The following FSTL4 variants were observed in gnomAD, a reference collection of about 807,000 sequenced individuals.
FSTL4 encodes follistatin-related protein 4.
A neutral mutation model predicts 78.2 loss-of-function variants in FSTL4; 28 were observed. The ratio of observed to expected loss-of-function variants is 0.36; its 90% CI spans 0.27 to 0.49. The LOEUF (loss-of-function observed/expected upper bound fraction) is 0.49, where lower values mean the gene tolerates loss of function less well. FSTL4 is among the 20% of genes least tolerant of loss of function. The pLI, the probability that FSTL4 is intolerant of heterozygous loss-of-function variation, is 0.98. For synonymous variants in FSTL4, 422 were observed against 440.5 expected (o/e 0.96, Z 0.53); for missense variants, 922 against 1,084.9 (o/e 0.85, Z 2.11).
intron 3 of FSTL4, among the ~76,000 whole-genome samples, chr5:133,448,740 G>A (rs942942243): frequency 4.1e-4 from 10 of 24,660 alleles, no homozygotes; most frequent in African/African-American, 1.1e-3. Flanking sequence ...GTGCGGGGGC[G>A]GGGGGGGGGG....
At chr5:133,206,653 C>T (rs1004469382) in intron 14 of FSTL4, among the ~76,000 whole-genome samples, 5 of 152,142 alleles carry the variant, frequency 3.3e-5, no homozygotes, top group African/African-American at 1.2e-4. Context: ...TGAACCACTG[C>T]GCCTGGCCTA....
In FSTL4 at chr5:133,400,802, G is replaced by C; in HGVS notation, c.345C>G (p.His115Gln). ...GRFYENHCKL[H>Q]RAACLLGKRI... Reference sequence around the variant, plus strand: ...TCTTTCCCAGGAGGCAAGCAGCACGGTGGAGCTTACAGTGGTTTTCATAAA... The same window carrying C: ...TCTTTCCCAGGAGGCAAGCAGCACGCTGGAGCTTACAGTGGTTTTCATAAA... The change falls in exon 4 of 16, where the codon CAC becomes CAG. Residue 115 changes from histidine (H) to glutamine (Q), a missense_variant. His to Gln is a conservative substitution (Grantham distance 24). Coordinates refer to ENST00000265342, the MANE Select transcript of FSTL4 (RefSeq NM_015082.2). 1 of 1,614,012 alleles carries C rather than the reference G, an allele frequency of 6.2e-7. No individual in the cohort carries two copies. Among genetic ancestry groups the C allele is most frequent in the Non-Finnish European group, 8.5e-7 (1 of 1,179,944 alleles).
chr5:133,374,843 C>T (rs566473976), intron 4 of FSTL4, among the ~76,000 whole-genome samples: 1 of 152,192 alleles, frequency 6.6e-6, no homozygotes, highest in South Asian at 2.1e-4. Flanking sequence ...ACTTCCCAGC[C>T]CCCAGAACTG....
At chr5:133,513,069 C>T (rs1758769083) in intron 3 of FSTL4, among the ~76,000 whole-genome samples, 1 of 152,168 alleles carries the variant, frequency 6.6e-6, no homozygotes, top group African/African-American at 2.4e-5. Context: ...GATCAGCCCG[C>T]CTCAGCCTCC....
the FSTL4 span, among the ~76,000 whole-genome samples, chr5:133,727,201 C>T: frequency 2.0e-5 from 3 of 152,292 alleles, no homozygotes; most frequent in East Asian, 5.8e-4. Context: ...CTCCAGCAGG[C>T]AGCAAACTTT....
At chr5:133,316,145 A>T (rs558296786) in intron 5 of FSTL4, among the ~76,000 whole-genome samples, 10 of 152,328 alleles carry the variant, frequency 6.6e-5, no homozygotes, top group African/African-American at 2.4e-4. Context: ...GTTCAATGGA[A>T]ACCAAGCACT....
At chr5:133,441,373 C>T (rs910386170) in intron 3 of FSTL4, among the ~76,000 whole-genome samples, 2 of 152,094 alleles carry the variant, frequency 1.3e-5, no homozygotes, top group Non-Finnish European at 2.9e-5. Flanking sequence ...GGTAGCACCC[C>T]GAGGGGAGAC....
the FSTL4 span, among the ~76,000 whole-genome samples, chr5:133,627,320 A>T: frequency 6.6e-6 from 1 of 152,138 alleles, no homozygotes; most frequent in East Asian, 1.9e-4. Flanking sequence ...AGAGCAAAGG[A>T]TGTCTTACAT....
rs551697020 is a variant in FSTL4, at chr5:133,358,653, G to A, written c.410-42001C>T. ...CTCTGTCGCCCAGGCTGGATGGAGT[G>A]CAGTGGCGCGATCTCAGTTCACTGC... On this transcript the variant is annotated intron_variant, in intron 4 of 15. Coordinates refer to ENST00000265342, the MANE Select transcript of FSTL4 (RefSeq NM_015082.2). Among the ~76,000 whole-genome samples, 82 of 145,384 alleles carry A rather than the reference G, an allele frequency of 5.6e-4. No individual in the cohort carries two copies. In the South Asian group the frequency reaches 0.017, roughly 30 times the overall value.
rs10067532 is a variant in FSTL4 at position 133,276,292 on chromosome 5, C to T, written c.728-26716G>A. ...TTGCTTGGGGCCTGTGATGCTGGACCCCAGTGGAGAGGGAGGGCACGCGTA... is the reference window on the plus strand; with the variant it reads ...TTGCTTGGGGCCTGTGATGCTGGACTCCAGTGGAGAGGGAGGGCACGCGTA... On this transcript the variant is annotated intron_variant, in intron 6 of 15. Transcript: ENST00000265342. 4.5e-3 allele frequency among the ~76,000 whole-genome samples: 684 copies of T among 152,282 alleles called. 3 individuals carry two copies. The highest frequency in any genetic ancestry group is 0.016 in the African/African-American group (659 of 41,552).
intron 6 of FSTL4, among the ~76,000 whole-genome samples, chr5:133,269,655 G>A (rs1752726051): frequency 6.6e-6 from 1 of 152,210 alleles, no homozygotes; most frequent in South Asian, 2.1e-4. Context: ...GCCCTCACTA[G>A]AGATGGTCCT....
chr5:133,374,512 A>G (rs1335475459), intron 4 of FSTL4, among the ~76,000 whole-genome samples: 1 of 152,082 alleles, frequency 6.6e-6, no homozygotes, highest in African/African-American at 2.4e-5. Flanking sequence ...TGAACTTTCC[A>G]ATCATATTCT....
chr5:133,750,669 C>A, the FSTL4 span, among the ~76,000 whole-genome samples: 1 of 152,196 alleles, frequency 6.6e-6, no homozygotes, highest in African/African-American at 2.4e-5. Flanking sequence ...CAGCCACCTC[C>A]CTGTCCCGGC....
chr5:133,825,176 A>T, the FSTL4 span, among the ~76,000 whole-genome samples: 1 of 152,146 alleles, frequency 6.6e-6, no homozygotes, highest in Non-Finnish European at 1.5e-5. Flanking sequence ...ACCAGGCCTC[A>T]GGTCTCCCTA....
intron 3 of FSTL4, among the ~76,000 whole-genome samples, chr5:133,562,863 G>T (rs1334175172): frequency 2.6e-5 from 4 of 152,214 alleles, no homozygotes; most frequent in Admixed American, 2.6e-4. Context: ...AACATGATGG[G>T]AACAGTCAGA....
chr5:133,652,270 T>C, the FSTL4 span, among the ~76,000 whole-genome samples: 2 of 152,066 alleles, frequency 1.3e-5, no homozygotes, highest in African/African-American at 4.8e-5. Flanking sequence ...AATTTTTTAT[T>C]TTTTCTTTTC....
At chr5:133,249,707 T>A in intron 6 of FSTL4, 131 bp from the exon 7 acceptor site, 1 of 661,474 alleles carries the variant, frequency 1.5e-6, no homozygotes, top group Non-Finnish European at 2.6e-6. Context: ...GAAAATTGTT[T>A]ACAATGTGCT....
chr5:133,419,243 C>A (rs933702893), intron 3 of FSTL4, among the ~76,000 whole-genome samples: 13 of 152,164 alleles, frequency 8.5e-5, no homozygotes, highest in Non-Finnish European at 7.3e-5. Context: ...CCTCAGCCTC[C>A]CGAGTAGCTG....
chr5:133,795,648 G>A, the FSTL4 span, among the ~76,000 whole-genome samples: 6 of 152,220 alleles, frequency 3.9e-5, no homozygotes, highest in South Asian at 4.1e-4. Flanking sequence ...TCAGTTGGCC[G>A]TAGGCAGCAT....
Sources: allele counts gnomAD v4.1 joint callset (sites outside exome capture counted in the v4.1 genomes callset), GRCh38; gene constraint gnomAD v4.1.1; transcripts MANE v1.5; gene names NCBI Gene and HGNC (gene_info 2026-07-23, HGNC 2026-07-21).